PTPRD: variants seen among roughly 807,000 people sequenced by gnomAD.
The protein encoded by PTPRD is receptor-type tyrosine-protein phosphatase delta.
Under a neutral mutation model 214.5 loss-of-function variants are expected in PTPRD, and 34 were observed. The observed-to-expected ratio is 0.16, with a 90% confidence interval of 0.12 to 0.21. The LOEUF (loss-of-function observed/expected upper bound fraction) is 0.21. PTPRD is among the 10% of genes least tolerant of loss of function. PTPRD has a pLI of 1.00. For synonymous variants in PTPRD, 1,128 were observed against 845.7 expected, an observed-to-expected ratio of 1.33 and a Z score of -5.79; for missense variants, 2,545 against 2,398.7, an observed-to-expected ratio of 1.06 and a Z score of -1.27.
intron 5 of PTPRD, among the ~76,000 whole-genome samples, chr9:9,781,694 A>G (rs952643827): frequency 2.0e-5 from 3 of 152,172 alleles, no homozygotes; most frequent in African/African-American, 4.8e-5. Flanking sequence ...ACTTTCTCGA[A>G]AAGACTATTC....
intron 9 of PTPRD, among the ~76,000 whole-genome samples, chr9:9,313,118 A>C (rs1298259428): frequency 6.6e-6 from 1 of 152,110 alleles, no homozygotes; most frequent in Non-Finnish European, 1.5e-5. Flanking sequence ...TGTGACCAAA[A>C]ATATAGCGTA....
At position 8,343,439 on chromosome 9, in the gene PTPRD, G is replaced by C. The variant is rs375705879; in HGVS notation, c.4662-1461C>G. Among the ~76,000 whole-genome samples the C allele has an allele frequency of 1.2e-3, 178 of 152,120 alleles. 3 individuals are homozygous for C. In the South Asian group the frequency reaches 0.035, roughly 30 times the overall value. ...CCTACAAATGATAGCACATACCTTA[G>C]CACAGACCAATTGGCAACCTGATGC... On this transcript the variant is annotated intron_variant, in intron 39 of 45. Coordinates refer to ENST00000381196, the MANE Select transcript of PTPRD (RefSeq NM_002839.4).
At chr9:10,405,542 C>T (rs997678931) in intron 2 of PTPRD, among the ~76,000 whole-genome samples, 1 of 147,514 alleles carries the variant, frequency 6.8e-6, no homozygotes, top group African/African-American at 2.5e-5. Context: ...AAAATAAAAG[C>T]AACTGATATA....
At chr9:10,268,215 A>G (rs1015542003) in intron 3 of PTPRD, among the ~76,000 whole-genome samples, 25 of 149,618 alleles carry the variant, frequency 1.7e-4, no homozygotes, top group Admixed American at 1.3e-3. Flanking sequence ...GCTTGAACCC[A>G]GGAGTTGCAG....
At chr9:10,572,914 G>C (rs546095092) in intron 2 of PTPRD, among the ~76,000 whole-genome samples, 5 of 151,944 alleles carry the variant, frequency 3.3e-5, no homozygotes, top group Non-Finnish European at 5.9e-5. Context: ...TTTCAAGGTA[G>C]CTGCTGATGC....
chr9:8,945,744 ATC>A (rs1429006298), intron 11 of PTPRD, among the ~76,000 whole-genome samples: 1 of 152,094 alleles, frequency 6.6e-6, no homozygotes. Flanking sequence ...TACCACACTC[ATC>A]TTTGCCTGTG....
At chr9:9,278,397 A>T (rs189661886) in intron 9 of PTPRD, among the ~76,000 whole-genome samples, 2 of 151,516 alleles carry the variant, frequency 1.3e-5, no homozygotes, top group Admixed American at 1.3e-4. Flanking sequence ...TAAAATTTTA[A>T]GATTTTTATA....
chr9:9,711,167 C>T (rs1261452586), intron 7 of PTPRD, among the ~76,000 whole-genome samples: 1 of 152,076 alleles, frequency 6.6e-6, no homozygotes, highest in Non-Finnish European at 1.5e-5. Flanking sequence ...ATGTATAGCT[C>T]ATATTTATTT....
chr9:8,385,555 C>T (rs1463590279), intron 37 of PTPRD, among the ~76,000 whole-genome samples: 2 of 152,034 alleles, frequency 1.3e-5, no homozygotes, highest in East Asian at 1.9e-4. Flanking sequence ...TGTGGCAAAA[C>T]AGAACGCTTG....
intron 5 of PTPRD, among the ~76,000 whole-genome samples, chr9:9,891,735 T>C (rs1384954679): frequency 4.6e-5 from 7 of 152,134 alleles, no homozygotes; most frequent in East Asian, 1.9e-4. Flanking sequence ...GTTTTAAGAA[T>C]AGTATGACTG....
intron 2 of PTPRD, among the ~76,000 whole-genome samples, chr9:10,501,947 T>C (rs1251257771): frequency 3.3e-5 from 5 of 151,970 alleles, no homozygotes; most frequent in African/African-American, 4.8e-5. Context: ...TGGTCCATTA[T>C]AGAGTTTTGA....
At chr9:9,187,020 A>C (rs1174271704) in intron 9 of PTPRD, among the ~76,000 whole-genome samples, 1 of 150,630 alleles carries the variant, frequency 6.6e-6, no homozygotes, top group Non-Finnish European at 1.5e-5. Context: ...AAAACATTTC[A>C]CACCTGAAAA....
At chr9:9,853,775 C>T (rs569544792) in intron 5 of PTPRD, among the ~76,000 whole-genome samples, 1 of 152,048 alleles carries the variant, frequency 6.6e-6, no homozygotes, top group South Asian at 2.1e-4. Context: ...TCTCAATGGT[C>T]TCAATTTCTT....
chr9:8,406,271 C>A (rs543669137), intron 35 of PTPRD, among the ~76,000 whole-genome samples: 1 of 152,260 alleles, frequency 6.6e-6, no homozygotes, highest in East Asian at 1.9e-4. Flanking sequence ...CTGGTGGAAG[C>A]CTTCAAGTCA....
chr9:9,569,193 A>C (rs533498959), intron 8 of PTPRD, among the ~76,000 whole-genome samples: 2 of 151,850 alleles, frequency 1.3e-5, no homozygotes, highest in East Asian at 3.9e-4. Context: ...AACACAGATG[A>C]TACGCTAGTC....
intron 8 of PTPRD, among the ~76,000 whole-genome samples, chr9:9,416,520 C>T (rs143887297): frequency 2.5e-3 from 375 of 152,278 alleles, no homozygotes; most frequent in African/African-American, 8.5e-3. Context: ...TGTCAGAACA[C>T]GTCCAATTCC....
chr9:10,345,478 A>T (rs1180268572), intron 2 of PTPRD, among the ~76,000 whole-genome samples: 1 of 132,180 alleles, frequency 7.6e-6, no homozygotes, highest in Non-Finnish European at 1.5e-5. Context: ...ATTTGTTCTC[A>T]TTGTTCTACT....
intron 3 of PTPRD, among the ~76,000 whole-genome samples, chr9:10,269,943 A>T (rs1366796651): frequency 6.6e-6 from 1 of 152,178 alleles, no homozygotes; most frequent in Non-Finnish European, 1.5e-5. Context: ...TATGACAGAA[A>T]TTATAAGATT....
chr9:10,481,222 C>T lies in PTPRD; in HGVS notation c.-600+131176G>A, dbSNP rs186359969. 2.9e-3 allele frequency among the ~76,000 whole-genome samples: 440 copies of T among 152,172 alleles called. 3 individuals are homozygous for T. Among genetic ancestry groups the T allele is most frequent in the Middle Eastern group, 6.8e-3 (2 of 294 alleles). Reference sequence around the variant, plus strand: ...GGCATAGACGGTATATGGATATTATCAAGCCAATGAATGTCATTTGGGTGA... The same window carrying T: ...GGCATAGACGGTATATGGATATTATTAAGCCAATGAATGTCATTTGGGTGA... On this transcript the variant is annotated intron_variant, in intron 2 of 45. Transcript: ENST00000381196.
Sources: allele counts gnomAD v4.1 joint callset (sites outside exome capture counted in the v4.1 genomes callset), GRCh38; gene constraint gnomAD v4.1.1; transcripts MANE v1.5; gene names NCBI Gene and HGNC (gene_info 2026-07-23, HGNC 2026-07-21).